SEC23IP: variants seen among roughly 807,000 people sequenced by gnomAD.
SEC23IP encodes the protein SEC23 interacting protein.
Under a neutral mutation model 113.4 loss-of-function variants are expected in SEC23IP, and 70 were observed. The observed-to-expected ratio is 0.62, with a 90% CI of 0.51 to 0.75. SEC23IP has a LOEUF of 0.75. SEC23IP is among the 30% of genes least tolerant of loss of function. SEC23IP has a pLI of 0.00. For synonymous variants in SEC23IP, 398 were observed against 421.0 expected (o/e 0.95, Z 0.67); for missense variants, 1,160 against 1,204.9 (o/e 0.96, Z 0.55).
intron 18 of SEC23IP, among the ~76,000 whole-genome samples, chr10:119,936,659 C>T (rs999583650): frequency 2.0e-5 from 3 of 151,418 alleles, no homozygotes; most frequent in African/African-American, 7.3e-5. Flanking sequence ...TATGCTTGCA[C>T]TCTTGGAAAC....
At chr10:119,924,193 T>G (rs1443384028) in intron 12 of SEC23IP, among the ~76,000 whole-genome samples, 1 of 152,208 alleles carries the variant, frequency 6.6e-6, no homozygotes, top group African/African-American at 2.4e-5. Flanking sequence ...GTTACTTACT[T>G]TCCTGATTTC....
In SEC23IP at chr10:119,898,742, C is replaced by G. The variant is rs750360419; in HGVS notation, c.479C>G (p.Pro160Arg). 2.7e-5 allele frequency: 43 copies of G among 1,614,086 alleles called. No homozygotes were observed. Among genetic ancestry groups the G allele is most frequent in the Non-Finnish European group, 3.4e-5 (40 of 1,180,056 alleles). The change falls in exon 2 of 19, where the codon CCA (proline) becomes CGA (arginine). Residue 160 changes from proline (P) to arginine (R), a missense_variant. By Grantham distance (103) the Pro-to-Arg change is moderately radical (BLOSUM62 -2). Transcript: ENST00000369075. The stretch of plus-strand genomic sequence containing the variant: ...ATAAATTCTTATCTGCCTTCTCAGC[C>G]AAGTAGTCTCCCTCCTTCATATTTT... Reference protein sequence around the residue: ...MGINSYLPSQPSSLPPSYFGN... With the variant: ...MGINSYLPSQRSSLPPSYFGN...
chr10:119,936,308 C>G (rs1025990011), intron 18 of SEC23IP, among the ~76,000 whole-genome samples: 2 of 151,800 alleles, frequency 1.3e-5, no homozygotes, highest in African/African-American at 4.8e-5. Flanking sequence ...GCCTGTAATC[C>G]CAGTTTGAGA....
At chr10:119,917,526 AC>A (rs1855092375) in intron 8 of SEC23IP, among the ~76,000 whole-genome samples, 1 of 151,894 alleles carries the variant, frequency 6.6e-6, no homozygotes, top group Non-Finnish European at 1.5e-5. Context: ...TTACAGGTGT[AC>A]ACCACCACAC....
chr10:119,931,078 G>A lies in SEC23IP; in HGVS notation c.2572+647G>A, dbSNP rs189502386. 2.7e-4 allele frequency among the ~76,000 whole-genome samples: 41 copies of A among 152,210 alleles called. No homozygotes were observed. In the South Asian group the frequency reaches 3.9e-3, roughly 15 times the overall value. On this transcript the variant is annotated intron_variant, in intron 15 of 18. Coordinates refer to ENST00000369075, the MANE Select transcript of SEC23IP (RefSeq NM_007190.4). ...AATAAGGCATGCGTTTGATAACTCA[G>A]AGACCTTGAATTCACATGTGATTAT...
intron 14 of SEC23IP, 57 bp from the exon 15 acceptor site, chr10:119,930,272 A>G: frequency 3.7e-6 from 4 of 1,075,162 alleles, no homozygotes; most frequent in Non-Finnish European, 5.4e-6. Flanking sequence ...AAGGCATATA[A>G]CTCAAAACAG....
intron 12 of SEC23IP, 38 bp downstream of exon 12, chr10:119,921,022 A>C: frequency 3.0e-4 from 428 of 1,407,006 alleles, no homozygotes; most frequent in Non-Finnish European, 3.9e-4. Flanking sequence ...ACTAAAACTC[A>C]TGGTGTGACC....
In SEC23IP at chr10:119,941,192, G is replaced by A. The variant is rs945000297; in HGVS notation, c.*627G>A. ...TCAAACGATTGCTGAGAGCCTGATT[G>A]TGGAAAGAAGTGAGATGCACCTTAT... On this transcript the variant is annotated 3_prime_UTR_variant, in exon 19 of 19. Coordinates refer to ENST00000369075, the MANE Select transcript of SEC23IP (RefSeq NM_007190.4). 6.6e-6 allele frequency: 1 copy of A among 152,172 alleles called. No homozygotes were observed. Among genetic ancestry groups the A allele is most frequent in the East Asian group, 1.9e-4 (1 of 5,196 alleles). 9.4% of individuals were successfully genotyped at this position (152,172 alleles called of 1,614,324 possible).
At chr10:119,913,890 G>A (rs188861117) in intron 6 of SEC23IP, among the ~76,000 whole-genome samples, 13 of 151,902 alleles carry the variant, frequency 8.6e-5, no homozygotes, top group Non-Finnish European at 1.6e-4. Context: ...GGTGGCTCAC[G>A]CCTGTAATCC....
intron 1 of SEC23IP, among the ~76,000 whole-genome samples, chr10:119,895,344 C>G (rs1854239894): frequency 1.3e-5 from 2 of 152,178 alleles, no homozygotes; most frequent in African/African-American, 4.8e-5. Context: ...TCACTGCACA[C>G]TCCACCCTGG....
chr10:119,897,098 G>T (rs1177318367), intron 1 of SEC23IP, among the ~76,000 whole-genome samples: 2 of 152,240 alleles, frequency 1.3e-5, no homozygotes, highest in African/African-American at 4.8e-5. Flanking sequence ...AAGGCTGCCT[G>T]TTGGCAGGTC....
At chr10:119,939,713 G>A (rs1386703549) in intron 18 of SEC23IP, among the ~76,000 whole-genome samples, 1 of 152,164 alleles carries the variant, frequency 6.6e-6, no homozygotes, top group Non-Finnish European at 1.5e-5. Context: ...AATTTTTTGA[G>A]AAGGGGTCTC....
chr10:119,910,167 CA>C (rs1854811577), intron 5 of SEC23IP, among the ~76,000 whole-genome samples: 1 of 152,312 alleles, frequency 6.6e-6, no homozygotes, highest in South Asian at 2.1e-4. Flanking sequence ...TTTATAAAAA[CA>C]GATGGCCAGA....
chr10:119,912,053 C>T lies in SEC23IP; in HGVS notation c.1201C>T (p.Gln401Ter). 1 of 1,613,914 alleles carries T rather than the reference C, an allele frequency of 6.2e-7. No individual in the cohort carries two copies. The highest frequency in any genetic ancestry group is 8.5e-7 in the Non-Finnish European group (1 of 1,179,898). ...IVMHNPKVIV[Q>*]FQPSSVPDEW... ...CTGTTGCATCTTGAAGGTTATTGTT[C>T]AGTTCCAGCCCTCCTCAGTGCCAGA... Residue 401 changes from glutamine (Q) to a stop codon, truncating the protein, a stop_gained, in exon 6 of 19, where the codon CAG (glutamine) becomes TAG (stop). Coordinates refer to ENST00000369075, the MANE Select transcript of SEC23IP (RefSeq NM_007190.4). LOFTEE classifies it high-confidence loss of function.
Position 119,933,022 on chromosome 10 carries a change from A to G in SEC23IP, c.2776A>G (p.Ser926Gly), listed in dbSNP as rs373433217. ...QVVEAEKVVE[S>G]PDFSKDEDYL... is the part of the protein sequence containing the mutation. Reference sequence around the variant, plus strand: ...AATTCTAGCAGAAAAGGTTGTTGAAAGTCCAGATTTTTCCAAGGATGAGGA... The same window carrying G: ...AATTCTAGCAGAAAAGGTTGTTGAAGGTCCAGATTTTTCCAAGGATGAGGA... The change falls in exon 17 of 19, where the codon AGT (serine) becomes GGT (glycine). Residue 926 changes from serine to glycine, a missense_variant. Transcript: ENST00000369075. The G allele has an allele frequency of 4.3e-6, 7 of 1,613,450 alleles. No individual in the cohort carries two copies. The highest frequency in any genetic ancestry group is 5.9e-6 in the Non-Finnish European group (7 of 1,179,766).
At chr10:119,917,782 T>C in intron 8 of SEC23IP, 54 bp from the exon 9 acceptor site, 1 of 1,381,268 alleles carries the variant, frequency 7.2e-7, no homozygotes. Context: ...TAAAAAAATC[T>C]GTAAATTTAA....
chr10:119,934,523 G>C (rs1287753081), intron 18 of SEC23IP, among the ~76,000 whole-genome samples: 1 of 152,204 alleles, frequency 6.6e-6, no homozygotes, highest in Non-Finnish European at 1.5e-5. Flanking sequence ...ATTCCTAACT[G>C]TCCTCCTGAG....
chr10:119,926,909 C>T (rs1255367683), intron 13 of SEC23IP, among the ~76,000 whole-genome samples: 1 of 152,060 alleles, frequency 6.6e-6, no homozygotes, highest in East Asian at 1.9e-4. Flanking sequence ...TTTTTGGAGA[C>T]AGAGTCTTGC....
chr10:119,918,627 TTTTAACTGAGCCTCA>T, intron 10 of SEC23IP, 116 bp downstream of exon 10: 1 of 744,454 alleles, frequency 1.3e-6, no homozygotes, highest in Non-Finnish European at 2.3e-6. Context: ...TGTTTGTTTG[TTTTAACTGAGCCTCA>T]TTGGTTGCTT....
Sources: gnomAD v4.1 joint callset for allele counts (sites outside exome capture counted in the v4.1 genomes callset) on GRCh38, gnomAD v4.1.1 for gene constraint, MANE v1.5 for transcripts, NCBI Gene and HGNC (gene_info 2026-07-23, HGNC 2026-07-21) for gene names.